EHBP1: variants seen among roughly 807,000 people sequenced by gnomAD.
EHBP1 encodes the protein EH domain binding protein 1.
EHBP1 carries 55 observed loss-of-function variants against 144.0 expected under a neutral mutation model. That is an observed-to-expected ratio of 0.38 (90% CI 0.31 to 0.48). EHBP1 has a LOEUF of 0.48. Ranked by LOEUF, EHBP1 falls within the 20% of genes least tolerant of loss-of-function variation. The pLI is 0.98. For synonymous variants in EHBP1, 469 were observed against 472.7 expected (o/e 0.99, Z 0.10); for missense variants, 1,200 against 1,364.2 (o/e 0.88, Z 1.90).
intron 12 of EHBP1, among the ~76,000 whole-genome samples, chr2:62,946,577 G>C (rs2057084335): frequency 6.6e-6 from 1 of 152,170 alleles, no homozygotes; most frequent in Non-Finnish European, 1.5e-5. Context: ...AACAATGCCT[G>C]TGTCTTAAAT....
chr2:62,687,371 G>C (rs1238200406), intron 1 of EHBP1, among the ~76,000 whole-genome samples: 1 of 152,296 alleles, frequency 6.6e-6, no homozygotes. Flanking sequence ...GTTTTGCCTT[G>C]AGCTCATCTC....
chr2:62,820,395 T>C (rs537661389), intron 5 of EHBP1, among the ~76,000 whole-genome samples: 2 of 152,020 alleles, frequency 1.3e-5, no homozygotes, highest in African/African-American at 4.8e-5. Flanking sequence ...TTCAGACATC[T>C]TTAAGTGTAC....
intron 2 of EHBP1, among the ~76,000 whole-genome samples, chr2:62,729,527 T>A (rs2037261888): frequency 6.5e-5 from 6 of 92,906 alleles, no homozygotes; most frequent in South Asian, 5.6e-4. Flanking sequence ...TAAATAAATA[T>A]AATATATATA....
At chr2:62,845,653 A>G (rs1391768026) in intron 7 of EHBP1, among the ~76,000 whole-genome samples, 1 of 151,572 alleles carries the variant, frequency 6.6e-6, no homozygotes, top group African/African-American at 2.4e-5. Flanking sequence ...ACCAGTACCT[A>G]GGCATCTCGT....
At chr2:63,021,933 A>AT (rs1327357270) in intron 19 of EHBP1, among the ~76,000 whole-genome samples, 5 of 151,880 alleles carry the variant, frequency 3.3e-5, no homozygotes, top group Non-Finnish European at 7.4e-5. Flanking sequence ...CGCACAGCTA[A>AT]TTTTTTGTAT....
At chr2:62,881,250 G>A (rs2051386999) in intron 10 of EHBP1, among the ~76,000 whole-genome samples, 1 of 151,752 alleles carries the variant, frequency 6.6e-6, no homozygotes, top group African/African-American at 2.4e-5. Context: ...GTGGGTGGAG[G>A]GTGGGAGGAG....
intron 10 of EHBP1, among the ~76,000 whole-genome samples, chr2:62,879,827 G>T (rs1235685164): frequency 6.6e-6 from 1 of 151,438 alleles, no homozygotes; most frequent in Non-Finnish European, 1.5e-5. Flanking sequence ...AATTACCAAT[G>T]AATTTTTCAC....
At chr2:62,894,429 G>A (rs2052715002) in intron 10 of EHBP1, among the ~76,000 whole-genome samples, 1 of 152,084 alleles carries the variant, frequency 6.6e-6, no homozygotes, top group Non-Finnish European at 1.5e-5. Context: ...TATGTGTGTA[G>A]TGAGTGGGGC....
At position 62,826,207 on chromosome 2, in the gene EHBP1, G is replaced by T. The variant is rs76132882; in HGVS notation, c.433G>T (p.Val145Phe). 6.2e-7 allele frequency: 1 copy of T among 1,610,990 alleles called. No individual in the cohort carries two copies. Among genetic ancestry groups the T allele is most frequent in the African/African-American group, 1.3e-5 (1 of 74,708 alleles). Residue 145 changes from valine to phenylalanine, a missense_variant, in exon 6 of 23, where the codon GTT (valine) becomes TTT (phenylalanine). This residue lies in a region of EHBP1 where 137 missense variants were observed against 190.1 expected (regional missense o/e 0.72). Transcript: ENST00000431489. ...AAAATTCAAGCCATTATCTAAAAAA[G>T]TTGTATCTGCCGCTCTTCAGTTTTC... ...KLKFKPLSKK[V>F]VSAALQFSLS...
chr2:62,769,095 G>T (rs2041422362), intron 4 of EHBP1, among the ~76,000 whole-genome samples: 1 of 152,128 alleles, frequency 6.6e-6, no homozygotes, highest in African/African-American at 2.4e-5. Context: ...TTGAAAACCG[G>T]CACAAGACAA....
chr2:62,921,694 G>A (rs2055099434), intron 10 of EHBP1, among the ~76,000 whole-genome samples: 1 of 152,108 alleles, frequency 6.6e-6, no homozygotes, highest in African/African-American at 2.4e-5. Context: ...ACAATGTAGG[G>A]ATTAGGGATA....
intron 3 of EHBP1, among the ~76,000 whole-genome samples, chr2:62,755,169 T>TC (rs1573155791): frequency 6.6e-6 from 1 of 152,206 alleles, no homozygotes; most frequent in East Asian, 1.9e-4. Context: ...TCTAGGCAGT[T>TC]CCCAACCCTC....
At chr2:62,983,376 C>T (rs973544008) in intron 15 of EHBP1, among the ~76,000 whole-genome samples, 6 of 151,922 alleles carry the variant, frequency 3.9e-5, no homozygotes, top group Non-Finnish European at 7.4e-5. Context: ...AGGAAGGTGA[C>T]TACCTTGTTT....
At chr2:62,788,992 T>A (rs2043000032) in intron 5 of EHBP1, among the ~76,000 whole-genome samples, 2 of 152,212 alleles carry the variant, frequency 1.3e-5, no homozygotes, top group Admixed American at 1.3e-4. Context: ...GCATATGTCC[T>A]GTGAAAATGT....
chr2:62,942,072 A>G (rs2539989), intron 10 of EHBP1, among the ~76,000 whole-genome samples: 152,085 of 152,234 alleles, frequency 1, 75,969 homozygotes, highest in Middle Eastern at 1. Flanking sequence ...GTAGCTCTCA[A>G]TGATAATTAG....
Position 62,785,558 on chromosome 2 carries a change from C to G in EHBP1, c.312+14166C>G, listed in dbSNP as rs2042746283. Among the ~76,000 whole-genome samples, 3 of 152,078 alleles carry G rather than the reference C, an allele frequency of 2.0e-5. No homozygotes were observed. In the South Asian group the frequency reaches 6.2e-4, roughly 31 times the overall value. On this transcript the variant is annotated intron_variant, in intron 5 of 22. Coordinates refer to ENST00000431489, the MANE Select transcript of EHBP1 (RefSeq NM_001142616.3). ...ATTTGCTCTTAGTCAGTATAGAGAACACAAAGGAAGAATTGGTAGGAGTGG... is the reference window on the plus strand; with the variant it reads ...ATTTGCTCTTAGTCAGTATAGAGAAGACAAAGGAAGAATTGGTAGGAGTGG...
intron 7 of EHBP1, among the ~76,000 whole-genome samples, chr2:62,832,441 T>C (rs79807045): frequency 1.4e-5 from 2 of 148,138 alleles, no homozygotes; most frequent in Non-Finnish European, 3.0e-5. Context: ...CTTTTTTCTT[T>C]TTTTTTTTTT....
chr2:62,729,667 C>T (rs1454709688), intron 2 of EHBP1, among the ~76,000 whole-genome samples: 1 of 138,478 alleles, frequency 7.2e-6, no homozygotes, highest in African/African-American at 2.7e-5. Flanking sequence ...TATTTTGCAC[C>T]TATAATACTT....
chr2:62,843,650 C>T (rs1367430838), intron 7 of EHBP1, among the ~76,000 whole-genome samples: 1 of 152,010 alleles, frequency 6.6e-6, no homozygotes, highest in Non-Finnish European at 1.5e-5. Context: ...TATTTTTGAA[C>T]ACATGTAAAT....
Sources: allele counts gnomAD v4.1 joint callset (sites outside exome capture counted in the v4.1 genomes callset), GRCh38; gene constraint gnomAD v4.1.1; regional missense constraint gnomAD v4.1.1; transcripts MANE v1.5; gene names NCBI Gene and HGNC (gene_info 2026-07-23, HGNC 2026-07-21).